Variants in ACSL5 observed in about 807,000 individuals in gnomAD.
The protein encoded by ACSL5 is acyl-CoA synthetase long chain family member 5.
In ACSL5, 50 loss-of-function variants were observed where a neutral mutation model predicts 84.9. That is an observed-to-expected ratio of 0.59 (90% CI 0.47 to 0.75). The LOEUF is 0.75. Among genes scored for constraint, ACSL5 ranks in the 30% least tolerant of loss-of-function variants. The pLI, the probability that ACSL5 is intolerant of heterozygous loss-of-function variation, is 0.00. For missense variants in ACSL5, 775 were observed against 830.4 expected (o/e 0.93, Z 0.82); for synonymous variants, 280 against 300.7 (o/e 0.93, Z 0.71).
chr10:112,420,612 C>T (rs1449451302), intron 14 of ACSL5, among the ~76,000 whole-genome samples: 1 of 152,242 alleles, frequency 6.6e-6, no homozygotes, highest in East Asian at 1.9e-4. Flanking sequence ...TTCAGTGATG[C>T]TCCATTGCTC....
chr10:112,411,838 C>G, intron 10 of ACSL5, 64 bp from the exon 11 acceptor site: 2 of 1,462,204 alleles, frequency 1.4e-6, no homozygotes, highest in Non-Finnish European at 1.9e-6. Flanking sequence ...TTTAAAATCT[C>G]CATTGGAATT....
intron 9 of ACSL5, 47 bp downstream of exon 9, chr10:112,410,682 C>T (rs1274116517): frequency 2.5e-6 from 4 of 1,581,070 alleles, no homozygotes; most frequent in South Asian, 1.1e-5. Flanking sequence ...CAGCCAAGAA[C>T]ATGGCTTCAA....
chr10:112,398,651 C>CG (rs753722733), intron 2 of ACSL5, among the ~76,000 whole-genome samples: 57 of 152,170 alleles, frequency 3.7e-4, no homozygotes, highest in Non-Finnish European at 1.6e-4. Flanking sequence ...GTGATCCACC[C>CG]GCCTCAGCCT....
At chr10:112,382,777 C>G (rs1366132000) in intron 1 of ACSL5, among the ~76,000 whole-genome samples, 1 of 152,196 alleles carries the variant, frequency 6.6e-6, no homozygotes, top group Non-Finnish European at 1.5e-5. Flanking sequence ...CTGTTAGATG[C>G]TGTCTAGCAA....
intron 1 of ACSL5, among the ~76,000 whole-genome samples, chr10:112,392,577 TA>T (rs1312459147): frequency 6.6e-6 from 1 of 151,902 alleles, no homozygotes; most frequent in Non-Finnish European, 1.5e-5. Flanking sequence ...CCGTCTCTAC[TA>T]AAAATACAAA....
intron 1 of ACSL5, among the ~76,000 whole-genome samples, chr10:112,382,422 AG>A (rs1307376668): frequency 6.6e-6 from 1 of 152,204 alleles, no homozygotes; most frequent in East Asian, 1.9e-4. Context: ...ACTGTGTCTC[AG>A]GTGCCATGCT....
intron 5 of ACSL5, 103 bp downstream of exon 5, chr10:112,404,909 CA>C: frequency 2.0e-6 from 2 of 1,008,398 alleles, no homozygotes; most frequent in East Asian, 4.8e-5. Flanking sequence ...AATGCCTTAC[CA>C]AAGCTATTGT....
At chr10:112,414,572 G>A (rs1269976476) in intron 12 of ACSL5, among the ~76,000 whole-genome samples, 1 of 151,772 alleles carries the variant, frequency 6.6e-6, no homozygotes, top group South Asian at 2.1e-4. Context: ...TGGCCAGGCT[G>A]GTCTCGAACT....
At chr10:112,426,630 G>T in intron 19 of ACSL5, 158 bp from the exon 20 acceptor site, 1 of 673,642 alleles carries the variant, frequency 1.5e-6, no homozygotes. Context: ...TTTCTTCTCA[G>T]TTTTTCTTTC....
chr10:112,384,492 T>G (rs1849411680), intron 1 of ACSL5, among the ~76,000 whole-genome samples: 2 of 152,068 alleles, frequency 1.3e-5, no homozygotes, highest in African/African-American at 4.8e-5. Context: ...TTTTCTTGTT[T>G]TTTTGTTTTG....
intron 1 of ACSL5, among the ~76,000 whole-genome samples, chr10:112,388,324 G>A (rs1199278411): frequency 6.6e-6 from 1 of 152,144 alleles, no homozygotes; most frequent in Non-Finnish European, 1.5e-5. Context: ...GCCTGGAGGA[G>A]TAGAAGGATC....
Position 112,417,938 on chromosome 10 carries a change from T to C in ACSL5, c.1311T>C (p.Cys437=). ...CATTCTTCCGGGCAGCAATGGGATG[T>C]CAGGTAAGCCAAGCACCTTCTTTGA... ...VMTFFRAAMG[C]QVYEAYGQTE... is the part of the protein sequence containing the mutation. Residue 437 remains cysteine, a synonymous_variant, in exon 14 of 21, where the codon TGT becomes TGC. Coordinates refer to ENST00000354655, the MANE Select transcript of ACSL5 (RefSeq NM_203379.2). 6.2e-7 allele frequency: 1 copy of C among 1,603,862 alleles called. No homozygotes were observed. Among genetic ancestry groups the C allele is most frequent in the South Asian group, 1.1e-5 (1 of 89,882 alleles).
chr10:112,393,098 A>T (rs1395649680), intron 1 of ACSL5, among the ~76,000 whole-genome samples: 1 of 151,892 alleles, frequency 6.6e-6, no homozygotes, highest in African/African-American at 2.4e-5. Flanking sequence ...CCTGGGCTTT[A>T]TGGCTAGTTT....
chr10:112,427,244 G>T lies in ACSL5; in HGVS notation c.1938G>T (p.Glu646Asp). ...EQVKAIFLHP[E>D]PFSIENGLLT... ...TCAAAGCCATTTTTCTTCATCCAGA[G>T]CCATTTTCCATTGAAAATGGGCTCT... is the stretch of plus-strand genomic sequence containing the variant. The change falls in exon 21 of 21, where the codon GAG (glutamate) becomes GAT (aspartate). Residue 646 changes from glutamate (E) to aspartate (D), a missense_variant. By Grantham distance (45) the Glu-to-Asp change is conservative. Coordinates refer to ENST00000354655, the MANE Select transcript of ACSL5 (RefSeq NM_203379.2). 1 of 1,612,878 alleles carries T rather than the reference G, an allele frequency of 6.2e-7. No homozygotes were observed. The highest frequency in any genetic ancestry group is 8.5e-7 in the Non-Finnish European group (1 of 1,179,634).
intron 2 of ACSL5, 95 bp downstream of exon 2, chr10:112,395,197 A>G: frequency 8.2e-7 from 1 of 1,219,002 alleles, no homozygotes; most frequent in East Asian, 2.5e-5. Context: ...GATTGGGTGC[A>G]GCATGGGAAA....
In ACSL5 at chr10:112,417,863, G is replaced by A. The variant is rs368563127; in HGVS notation, c.1236G>A (p.Arg412=). The change falls in exon 14 of 21, where the codon AGG becomes AGA. Residue 412 remains arginine (R), a synonymous_variant. Transcript: ENST00000354655. ...FAKIQDSLGG[R]VRVIVTGAAP... Reference sequence around the variant, plus strand: ...CTGAACAGGACAGCCTGGGCGGAAGGGTTCGTGTAATTGTCACTGGAGCTG... The same window carrying A: ...CTGAACAGGACAGCCTGGGCGGAAGAGTTCGTGTAATTGTCACTGGAGCTG... The A allele has an allele frequency of 9.3e-6, 15 of 1,613,830 alleles. No individual in the cohort carries two copies. The highest frequency in any genetic ancestry group is 1.3e-5 in the African/African-American group (1 of 74,870).
intron 1 of ACSL5, among the ~76,000 whole-genome samples, chr10:112,380,769 TG>T (rs1849334311): frequency 6.6e-6 from 1 of 152,172 alleles, no homozygotes; most frequent in Non-Finnish European, 1.5e-5. Context: ...CATCCTTTTT[TG>T]TTTTGTTTCT....
intron 17 of ACSL5, 140 bp downstream of exon 17, chr10:112,422,581 C>A: frequency 1.4e-6 from 1 of 727,880 alleles, no homozygotes; most frequent in Non-Finnish European, 2.3e-6. Context: ...CCCTACCTGG[C>A]TTATGACTTC....
At chr10:112,383,256 G>A (rs879662154) in intron 1 of ACSL5, among the ~76,000 whole-genome samples, 58 of 152,350 alleles carry the variant, frequency 3.8e-4, no homozygotes, top group Non-Finnish European at 6.0e-4. Context: ...ATGGGGCTGC[G>A]ATAGCGCCAC....
Sources: allele counts gnomAD v4.1 joint callset (sites outside exome capture counted in the v4.1 genomes callset), GRCh38; gene constraint gnomAD v4.1.1; transcripts MANE v1.5; gene names NCBI Gene and HGNC (gene_info 2026-07-23, HGNC 2026-07-21).